CAMTA1: variants seen among roughly 807,000 people sequenced by gnomAD.
The protein encoded by CAMTA1 is calmodulin binding transcription activator 1.
A neutral mutation model predicts 170.9 loss-of-function variants in CAMTA1; 27 were observed. That is an observed-to-expected ratio of 0.16 (90% CI 0.12 to 0.22). The LOEUF (loss-of-function observed/expected upper bound fraction) is 0.22, where lower values mean the gene tolerates loss of function less well. CAMTA1 is among the 10% of genes least tolerant of loss of function. The pLI, the probability that CAMTA1 is intolerant of heterozygous loss-of-function variation, is 1.00. For missense variants in CAMTA1, 1,619 were observed against 2,217.2 expected (o/e 0.73, Z 5.42); for synonymous variants, 833 against 891.5 (o/e 0.93, Z 1.17).
At position 7,674,181 on chromosome 1, in the gene CAMTA1, T is replaced by A. The variant is rs996505034; in HGVS notation, c.2779+3144T>A. On this transcript the variant is annotated intron_variant, in intron 10 of 22. Transcript: ENST00000303635. This position sits in a 1 kb window ranked among gnomAD's most constrained non-coding sequence, Gnocchi z 4.1. ...ATGCCCACCCGTCTCCCAACACACC[T>A]GCCCAAGCAAAACAGATGAGCAGGG... Among the ~76,000 whole-genome samples the A allele has an allele frequency of 6.6e-6, 1 of 152,178 alleles. No individual in the cohort carries two copies. The highest frequency in any genetic ancestry group is 1.5e-5 in the Non-Finnish European group (1 of 68,026).
chr1:6,893,518 G>A (rs1477920957), intron 3 of CAMTA1, among the ~76,000 whole-genome samples: 1 of 152,192 alleles, frequency 6.6e-6, no homozygotes, highest in African/African-American at 2.4e-5. Flanking sequence ...GGAATAAGAG[G>A]GTGGGTAACC....
Position 7,664,961 on chromosome 1 carries a change from A to C in CAMTA1, c.2414A>C (p.Gln805Pro). Residue 805 changes from glutamine (Q) to proline (P), a missense_variant, in exon 9 of 23, where the codon CAG becomes CCG. Around this residue, in one of 8 missense-constraint regions of CAMTA1, gnomAD observed 731 missense variants for 907.6 expected, o/e 0.81. Transcript: ENST00000303635. ...TCGGGGGACAGCACGGCGCTCTCACAGTCAGAGGACGGGGCGCGGGCCCCC... is the reference window on the plus strand; with the variant it reads ...TCGGGGGACAGCACGGCGCTCTCACCGTCAGAGGACGGGGCGCGGGCCCCC... The part of the protein sequence containing the change: ...LVSGDSTALS[Q>P]SEDGARAPFT... The C allele has an allele frequency of 6.2e-7, 1 of 1,612,830 alleles. No homozygotes were observed. The highest frequency in any genetic ancestry group is 8.5e-7 in the Non-Finnish European group (1 of 1,179,904).
intron 11 of CAMTA1, among the ~76,000 whole-genome samples, chr1:7,703,422 T>G (rs763085593): frequency 1.2e-4 from 19 of 152,224 alleles, no homozygotes; most frequent in South Asian, 2.1e-4. Context: ...TTGCTCAGGT[T>G]TACAGTGGGT....
At chr1:7,247,751 G>A (rs759621273) in intron 4 of CAMTA1, among the ~76,000 whole-genome samples, 20 of 152,166 alleles carry the variant, frequency 1.3e-4, no homozygotes, top group Non-Finnish European at 2.9e-4. Flanking sequence ...TTACAGCACG[G>A]TGAAGATTAA....
At chr1:7,031,822 T>C (rs986051753) in intron 3 of CAMTA1, among the ~76,000 whole-genome samples, 1 of 152,186 alleles carries the variant, frequency 6.6e-6, no homozygotes, top group Non-Finnish European at 1.5e-5. Flanking sequence ...ATTATAGGCA[T>C]GAGTCACCAC....
At chr1:7,761,877 C>CTT (rs2096979042) in intron 22 of CAMTA1, among the ~76,000 whole-genome samples, 2 of 151,258 alleles carry the variant, frequency 1.3e-5, no homozygotes, top group South Asian at 4.2e-4. Flanking sequence ...TTAAGACTAA[C>CTT]AAGCAGCTCA....
In CAMTA1 at chr1:7,250,437, A is replaced by G. The variant is rs1443277170; in HGVS notation, c.438+811A>G. ...AACTTCCCCTGGGAACAGGGAAGGCATTGCCTTGGGCCCGGAGCTGAGAAG... is the reference window on the plus strand; with the variant it reads ...AACTTCCCCTGGGAACAGGGAAGGCGTTGCCTTGGGCCCGGAGCTGAGAAG... On this transcript the variant is annotated intron_variant, in intron 5 of 22. Coordinates refer to ENST00000303635, the MANE Select transcript of CAMTA1 (RefSeq NM_015215.4). Among the ~76,000 whole-genome samples, 8 of 152,196 alleles carry G rather than the reference A, an allele frequency of 5.3e-5. No homozygotes were observed. The East Asian group carries it at 1.5e-3, about 29-fold the overall frequency.
chr1:7,534,266 C>G lies in CAMTA1; in HGVS notation c.510+66365C>G, dbSNP rs1235511802. ...ATCATAACGTTCAGCAGAGCCCAGG[C>G]TGGCTGGAGGCCGAGGCTGGGGGCC... On this transcript the variant is annotated intron_variant, in intron 6 of 22. Transcript: ENST00000303635. This position sits in a 1 kb window ranked among gnomAD's most constrained non-coding sequence, Gnocchi z 5.6. Among the ~76,000 whole-genome samples the G allele has an allele frequency of 6.6e-6, 1 of 152,212 alleles. No homozygotes were observed. Among genetic ancestry groups the G allele is most frequent in the African/African-American group, 2.4e-5 (1 of 41,452 alleles).
At chr1:7,583,561 A>G (rs977195777) in intron 6 of CAMTA1, among the ~76,000 whole-genome samples, 3 of 152,124 alleles carry the variant, frequency 2.0e-5, no homozygotes, top group African/African-American at 7.2e-5. Flanking sequence ...GGTGTGGGGT[A>G]GGACCCAGCA....
At chr1:7,486,477 C>T (rs1199965511) in intron 6 of CAMTA1, among the ~76,000 whole-genome samples, 1 of 152,184 alleles carries the variant, frequency 6.6e-6, no homozygotes, top group Non-Finnish European at 1.5e-5. Flanking sequence ...TGATAATGCT[C>T]ATGCCTTAAG....
chr1:6,885,667 T>A (rs958920290), intron 3 of CAMTA1, among the ~76,000 whole-genome samples: 4 of 152,224 alleles, frequency 2.6e-5, no homozygotes, highest in African/African-American at 9.6e-5. Context: ...TTGTCTCTAC[T>A]AATAAAGTAT....
At chr1:7,288,038 T>C (rs1022842545) in intron 5 of CAMTA1, among the ~76,000 whole-genome samples, 18 of 152,220 alleles carry the variant, frequency 1.2e-4, no homozygotes, top group African/African-American at 4.3e-4. Flanking sequence ...TGCATGTGTG[T>C]ATTATCTCAC....
chr1:7,203,488 AGT>A (rs1657072898), intron 4 of CAMTA1, among the ~76,000 whole-genome samples: 1 of 89,772 alleles, frequency 1.1e-5, no homozygotes, highest in East Asian at 3.5e-4. Flanking sequence ...CCTTGTGGGT[AGT>A]TTTTTTTTTT....
intron 3 of CAMTA1, among the ~76,000 whole-genome samples, chr1:6,879,230 G>A (rs1670783035): frequency 6.6e-6 from 1 of 152,172 alleles, no homozygotes; most frequent in Non-Finnish European, 1.5e-5. Flanking sequence ...TAGGAGAAAT[G>A]TGTGTGTGTA....
At chr1:6,939,940 T>C (rs1686150383) in intron 3 of CAMTA1, among the ~76,000 whole-genome samples, 1 of 152,260 alleles carries the variant, frequency 6.6e-6, no homozygotes, top group Admixed American at 6.5e-5. Flanking sequence ...GCTCGCTGGA[T>C]GAATGCATGC....
At chr1:7,024,412 G>T (rs889783075) in intron 3 of CAMTA1, among the ~76,000 whole-genome samples, 1 of 152,160 alleles carries the variant, frequency 6.6e-6, no homozygotes. Context: ...ATTAGTTTGG[G>T]TAAATATAAA....
In CAMTA1 at chr1:7,737,267, G is replaced by A. The variant is rs780402801; in HGVS notation, c.3355G>A (p.Ala1119Thr). ...CCCTGTCTTCTAGATGTGGGCGTGT[G>A]CCCTAGGGCACTTGGAAGCTGCCGT... ...FSCTPLMWAC[A>T]LGHLEAAVVL... is the part of the protein sequence containing the mutation. Residue 1119 changes from alanine (A) to threonine (T), a missense_variant, in exon 15 of 23, where the codon GCC becomes ACC. Around this residue, in one of 8 missense-constraint regions of CAMTA1, gnomAD observed 60 missense variants for 128.5 expected, o/e 0.47. Transcript: ENST00000303635. 6.2e-7 allele frequency: 1 copy of A among 1,613,728 alleles called. No homozygotes were observed. Among genetic ancestry groups the A allele is most frequent in the Non-Finnish European group, 8.5e-7 (1 of 1,179,816 alleles).
chr1:6,943,464 C>T (rs2149440798), intron 3 of CAMTA1, among the ~76,000 whole-genome samples: 1 of 152,274 alleles, frequency 6.6e-6, no homozygotes, highest in Admixed American at 6.5e-5. Context: ...CACTCATTTC[C>T]CAACTCTGCC....
intron 4 of CAMTA1, among the ~76,000 whole-genome samples, chr1:7,208,918 A>G (rs1658254369): frequency 6.6e-6 from 1 of 152,070 alleles, no homozygotes; most frequent in Non-Finnish European, 1.5e-5. Flanking sequence ...TGCTACAGTG[A>G]CCATTGCTGG....
Sources: allele counts gnomAD v4.1 joint callset (sites outside exome capture counted in the v4.1 genomes callset), GRCh38; gene constraint gnomAD v4.1.1; regional missense constraint gnomAD v4.1.1; non-coding constraint Gnocchi (gnomAD v3.1); transcripts MANE v1.5; gene names NCBI Gene and HGNC (gene_info 2026-07-23, HGNC 2026-07-21).